Variants in MIPOL1 observed in about 807,000 individuals in gnomAD.
MIPOL1 encodes mirror-image polydactyly 1.
MIPOL1 carries 57 observed loss-of-function variants against 60.9 expected under a neutral mutation model. That is an observed-to-expected ratio of 0.94 (90% CI 0.76 to 1.17). The LOEUF (loss-of-function observed/expected upper bound fraction) is 1.17. Ranked by LOEUF, MIPOL1 falls within the 50% of genes most tolerant of loss-of-function variation. MIPOL1 has a pLI of 0.00. For missense variants in MIPOL1, 551 were observed against 511.6 expected (o/e 1.08, Z -0.74); for synonymous variants, 179 against 168.8 (o/e 1.06, Z -0.47).
chr14:37,448,893 G>C (rs536162124), intron 11 of MIPOL1, among the ~76,000 whole-genome samples: 2 of 152,104 alleles, frequency 1.3e-5, no homozygotes, highest in African/African-American at 4.8e-5. Context: ...TCTAATGAAC[G>C]TATAATGTGT....
chr14:37,232,646 A>G (rs527504940), intron 1 of MIPOL1, among the ~76,000 whole-genome samples: 141 of 152,254 alleles, frequency 9.3e-4, no homozygotes, highest in Middle Eastern at 6.8e-3. Flanking sequence ...TCTTTCAGCA[A>G]TACTTGTACC....
At chr14:37,476,718 A>G (rs1036220346) in intron 11 of MIPOL1, among the ~76,000 whole-genome samples, 1 of 151,918 alleles carries the variant, frequency 6.6e-6, no homozygotes, top group Admixed American at 6.6e-5. Context: ...CTATTTTGTG[A>G]TGGAGTACAT....
chr14:37,478,601 C>A (rs1441343402), intron 11 of MIPOL1, among the ~76,000 whole-genome samples: 1 of 151,740 alleles, frequency 6.6e-6, no homozygotes, highest in Non-Finnish European at 1.5e-5. Context: ...ATTAAATAAT[C>A]TTTAAAGAGG....
rs562969838 is a variant in MIPOL1 at position 37,291,053 on chromosome 14, T to G, written c.623+5606T>G. ...GTGAAGGAAATGATCTTGTGCTTTT[T>G]TATGGTTCCATACTATTATTTCATG... On this transcript the variant is annotated intron_variant, in intron 7 of 12. Coordinates refer to ENST00000684589, the MANE Select transcript of MIPOL1 (RefSeq NM_001388067.1). Among the ~76,000 whole-genome samples, 6 of 152,320 alleles carry G rather than the reference T, an allele frequency of 3.9e-5. No homozygotes were observed. In the South Asian group the frequency reaches 1.2e-3, roughly 32 times the overall value.
intron 9 of MIPOL1, among the ~76,000 whole-genome samples, chr14:37,348,034 C>T (rs1456339950): frequency 1.3e-5 from 2 of 152,156 alleles, no homozygotes; most frequent in Admixed American, 1.3e-4. Context: ...CAGTACCCAA[C>T]AGGTAGTTTT....
At chr14:37,341,922 T>C (rs940371324) in intron 9 of MIPOL1, among the ~76,000 whole-genome samples, 1 of 152,240 alleles carries the variant, frequency 6.6e-6, no homozygotes, top group African/African-American at 2.4e-5. Flanking sequence ...TATTATTCTT[T>C]CCTTTTGATT....
chr14:37,242,502 A>G (rs1972512247), intron 1 of MIPOL1, among the ~76,000 whole-genome samples: 1 of 152,208 alleles, frequency 6.6e-6, no homozygotes, highest in African/African-American at 2.4e-5. Context: ...CTCATAGTAT[A>G]CACATAGTAT....
At chr14:37,266,489 A>G (rs1382271680) in intron 3 of MIPOL1, among the ~76,000 whole-genome samples, 2 of 152,246 alleles carry the variant, frequency 1.3e-5, no homozygotes, top group African/African-American at 2.4e-5. Flanking sequence ...ATGCTTTCTA[A>G]CACTAACATA....
chr14:37,397,824 C>A (rs1046899808), intron 10 of MIPOL1, among the ~76,000 whole-genome samples: 3 of 152,132 alleles, frequency 2.0e-5, no homozygotes, highest in African/African-American at 7.2e-5. Flanking sequence ...CCCGCTGTGG[C>A]CCCTCTAACA....
At position 37,230,530 on chromosome 14, in the gene MIPOL1, G is replaced by A. The variant is rs112687709; in HGVS notation, c.-198-16573G>A. 5.6e-3 allele frequency among the ~76,000 whole-genome samples: 854 copies of A among 152,168 alleles called. 5 individuals carry two copies. Among genetic ancestry groups the A allele is most frequent in the African/African-American group, 0.019 (807 of 41,494 alleles). On this transcript the variant is annotated intron_variant, in intron 1 of 12. Coordinates refer to ENST00000684589, the MANE Select transcript of MIPOL1 (RefSeq NM_001388067.1). Reference sequence around the variant, plus strand: ...CAGCGTGAATACTAAGTTTTTCCTTGGAGAAATCAGCTGCCACTTTTCTTT... The same window carrying A: ...CAGCGTGAATACTAAGTTTTTCCTTAGAGAAATCAGCTGCCACTTTTCTTT...
intron 9 of MIPOL1, among the ~76,000 whole-genome samples, chr14:37,328,491 A>G (rs920189548): frequency 6.6e-6 from 1 of 152,206 alleles, no homozygotes; most frequent in Non-Finnish European, 1.5e-5. Flanking sequence ...TTTGTAACAT[A>G]TAATAAAAAT....
rs532486284 is a variant in MIPOL1, at chr14:37,298,913, A to G, written c.624-9143A>G. Among the ~76,000 whole-genome samples the G allele has an allele frequency of 5.1e-3, 761 of 150,240 alleles. 5 individuals are homozygous for G. The highest frequency in any genetic ancestry group is 0.018 in the African/African-American group (714 of 40,776). The stretch of plus-strand genomic sequence containing the variant: ...GGCGATTCCTCAGGGATCTAGAACT[A>G]GAAATACCATTTGACCCAGCCATCC... On this transcript the variant is annotated intron_variant, in intron 7 of 12. Transcript: ENST00000684589.
At chr14:37,234,860 C>A (rs956056357) in intron 1 of MIPOL1, among the ~76,000 whole-genome samples, 3 of 151,932 alleles carry the variant, frequency 2.0e-5, no homozygotes, top group Non-Finnish European at 4.4e-5. Flanking sequence ...CATGCAAACT[C>A]CGCCTCATGG....
intron 10 of MIPOL1, among the ~76,000 whole-genome samples, chr14:37,388,237 A>T (rs2093130666): frequency 6.6e-6 from 1 of 151,738 alleles, no homozygotes; most frequent in Non-Finnish European, 1.5e-5. Context: ...GAAAACTGAG[A>T]CTTTAAGCAC....
chr14:37,438,618 G>A (rs1480619695), intron 11 of MIPOL1, among the ~76,000 whole-genome samples: 2 of 152,128 alleles, frequency 1.3e-5, no homozygotes, highest in African/African-American at 4.8e-5. Context: ...ATTTGGATAT[G>A]CTTGACATGT....
chr14:37,500,449 G>A (rs1189348506), intron 12 of MIPOL1, among the ~76,000 whole-genome samples: 4 of 152,046 alleles, frequency 2.6e-5, no homozygotes, highest in Non-Finnish European at 4.4e-5. Context: ...TATTAGCAAG[G>A]GGAAGAGGCA....
chr14:37,361,684 C>G (rs1424975564), intron 9 of MIPOL1, among the ~76,000 whole-genome samples: 2 of 128,296 alleles, frequency 1.6e-5, no homozygotes, highest in Non-Finnish European at 3.1e-5. Flanking sequence ...CGGCCCAATG[C>G]AAGCTCCGCC....
intron 7 of MIPOL1, among the ~76,000 whole-genome samples, chr14:37,304,108 T>C (rs545108178): frequency 6.6e-6 from 1 of 151,860 alleles, no homozygotes; most frequent in East Asian, 1.9e-4. Context: ...GACTGAAAGG[T>C]ATATTTGGGG....
chr14:37,369,899 A>G (rs59017121), intron 10 of MIPOL1: 3,108 of 181,696 alleles, frequency 0.017, 109 homozygotes, highest in African/African-American at 0.069. Flanking sequence ...TTATATCATT[A>G]CCTTTTGTAG....
Sources: allele counts gnomAD v4.1 joint callset (sites outside exome capture counted in the v4.1 genomes callset), GRCh38; gene constraint gnomAD v4.1.1; transcripts MANE v1.5; gene names NCBI Gene and HGNC (gene_info 2026-07-23, HGNC 2026-07-21).